The following CNBD1 variants were observed in gnomAD, a reference collection of about 807,000 sequenced individuals.
CNBD1 encodes cyclic nucleotide-binding domain-containing protein 1.
In CNBD1, 71 loss-of-function variants were observed where a neutral mutation model predicts 54.4. That is an observed-to-expected ratio of 1.30 (90% CI 1.08 to 1.59). CNBD1 has a LOEUF of 1.59. Ranked by LOEUF, CNBD1 falls within the 40% of genes most tolerant of loss-of-function variation. The pLI, the probability that CNBD1 is intolerant of heterozygous loss-of-function variation, is 0.00. For synonymous variants in CNBD1, 182 were observed against 170.7 expected (o/e 1.07, Z -0.51); for missense variants, 659 against 518.0 (o/e 1.27, Z -2.64).
At chr8:86,933,441 T>C (rs559146354) in intron 3 of CNBD1, among the ~76,000 whole-genome samples, 9 of 152,328 alleles carry the variant, frequency 5.9e-5, no homozygotes, top group Non-Finnish European at 1.2e-4. Context: ...TTAAATCTCA[T>C]GTACACAATG....
intron 8 of CNBD1, among the ~76,000 whole-genome samples, chr8:87,310,028 T>C (rs913809100): frequency 6.6e-6 from 1 of 152,080 alleles, no homozygotes; most frequent in Non-Finnish European, 1.5e-5. Flanking sequence ...CATTTCTATA[T>C]ACCAATAATG....
At chr8:87,388,900 A>G (rs574673632) in intron 2 of CNBD1, among the ~76,000 whole-genome samples, 1 of 152,124 alleles carries the variant, frequency 6.6e-6, no homozygotes, top group African/African-American at 2.4e-5. Context: ...AGCTTATCCA[A>G]CATGATCAAG....
At chr8:87,207,838 C>T (rs985057638) in intron 5 of CNBD1, among the ~76,000 whole-genome samples, 35 of 152,256 alleles carry the variant, frequency 2.3e-4, no homozygotes, top group African/African-American at 8.4e-4. Flanking sequence ...GTACTTTCAA[C>T]ACTTAAAAAT....
chr8:87,393,358 T>A (rs984163308), intron 2 of CNBD1, among the ~76,000 whole-genome samples: 1 of 151,894 alleles, frequency 6.6e-6, no homozygotes, highest in African/African-American at 2.4e-5. Context: ...GCCAATTAGA[T>A]AAGATGTGAC....
intron 2 of CNBD1, 79 bp from the exon 3 acceptor site, chr8:86,905,002 A>C (rs1202893167): frequency 1.4e-6 from 1 of 727,532 alleles, no homozygotes; most frequent in Non-Finnish European, 2.4e-6. Flanking sequence ...ATTGATACGT[A>C]TATATTGAGT....
chr8:87,122,280 G>A (rs1028566254), intron 4 of CNBD1, among the ~76,000 whole-genome samples: 3 of 151,566 alleles, frequency 2.0e-5, no homozygotes, highest in Admixed American at 6.6e-5. Flanking sequence ...ATAATATCTC[G>A]TTTTTAATTT....
chr8:87,093,437 C>G (rs994438270), intron 4 of CNBD1, among the ~76,000 whole-genome samples: 1 of 152,128 alleles, frequency 6.6e-6, no homozygotes, highest in Non-Finnish European at 1.5e-5. Context: ...AGGCAGTTTA[C>G]TGGCAGAATT....
intron 6 of CNBD1, among the ~76,000 whole-genome samples, chr8:87,284,475 C>T (rs1221317439): frequency 6.6e-6 from 1 of 152,038 alleles, no homozygotes; most frequent in African/African-American, 2.4e-5. Context: ...ATGTTATTTT[C>T]TTCATGTCGG....
rs572282701 is a variant in CNBD1, at chr8:87,382,760, G to A, written c.*133G>A. On this transcript the variant is annotated 3_prime_UTR_variant, in exon 11 of 11. Coordinates refer to ENST00000518476, the MANE Select transcript of CNBD1 (RefSeq NM_173538.3). ...GTGACTACATATCCTGGATTCCCCA[G>A]GAAAGTCCCACTTTCGAATTGCCTT... 9.3e-6 allele frequency: 5 copies of A among 538,604 alleles called. No individual in the cohort carries two copies. The highest frequency in any genetic ancestry group is 3.8e-5 in the African/African-American group (2 of 52,022). 33.4% of individuals were successfully genotyped at this position (538,604 alleles called of 1,614,324 possible).
intron 4 of CNBD1, among the ~76,000 whole-genome samples, chr8:87,111,781 C>A (rs184277569): frequency 6.6e-6 from 1 of 152,194 alleles, no homozygotes; most frequent in Non-Finnish European, 1.5e-5. Context: ...TGGGTTAGGA[C>A]ACCCCCCTCC....
In CNBD1 at chr8:87,230,118, C is replaced by G. The variant is rs149178127; in HGVS notation, c.578-6801C>G. ...TTTATATAGCTGAGAGCAGGAGGAA[C>G]AGAGAGAAGAGGGAGGTGCCACATA... is the stretch of plus-strand genomic sequence containing the variant. On this transcript the variant is annotated intron_variant, in intron 5 of 10. Coordinates refer to ENST00000518476, the MANE Select transcript of CNBD1 (RefSeq NM_173538.3). Among the ~76,000 whole-genome samples the G allele has an allele frequency of 3.4e-3, 523 of 152,218 alleles. 1 individual carries two copies. Among genetic ancestry groups the G allele is most frequent in the Middle Eastern group, 0.01 (3 of 292 alleles).
At chr8:87,391,223 C>G (rs1586074207) in intron 2 of CNBD1, among the ~76,000 whole-genome samples, 1 of 151,734 alleles carries the variant, frequency 6.6e-6, no homozygotes, top group African/African-American at 2.4e-5. Flanking sequence ...CACATGTACC[C>G]TAAAACTTAA....
chr8:87,172,254 T>C (rs1429398996), intron 4 of CNBD1, among the ~76,000 whole-genome samples: 1 of 152,086 alleles, frequency 6.6e-6, no homozygotes, highest in Admixed American at 6.6e-5. Context: ...TATTTCAGTT[T>C]TTCTGAATGT....
chr8:87,023,128 A>G (rs1809523694), intron 4 of CNBD1, among the ~76,000 whole-genome samples: 1 of 152,178 alleles, frequency 6.6e-6, no homozygotes, highest in Admixed American at 6.5e-5. Flanking sequence ...GTCTTTCCTC[A>G]TATGCTCCTT....
intron 2 of CNBD1, among the ~76,000 whole-genome samples, chr8:87,401,707 A>T (rs1240429026): frequency 1.3e-5 from 2 of 152,020 alleles, no homozygotes; most frequent in African/African-American, 2.4e-5. Context: ...AATTAGTTTT[A>T]TTTGGTAAGA....
intron 4 of CNBD1, among the ~76,000 whole-genome samples, chr8:87,137,283 G>A (rs781240832): frequency 7.4e-5 from 11 of 149,452 alleles, no homozygotes; most frequent in Admixed American, 5.4e-4. Flanking sequence ...TGCAAGCTCC[G>A]CCTCCTGGGT....
At chr8:87,369,858 T>C (rs1810729591) in intron 10 of CNBD1, among the ~76,000 whole-genome samples, 2 of 152,048 alleles carry the variant, frequency 1.3e-5, no homozygotes, top group Non-Finnish European at 2.9e-5. Flanking sequence ...GTATATCTCC[T>C]ATATGCTATC....
chr8:87,285,195 G>A (rs1375115655), intron 7 of CNBD1, among the ~76,000 whole-genome samples: 2 of 152,052 alleles, frequency 1.3e-5, no homozygotes, highest in African/African-American at 4.8e-5. Flanking sequence ...TGCTTTCCCA[G>A]TCTCTGTAGT....
At chr8:87,052,120 C>G (rs1363928322) in intron 4 of CNBD1, among the ~76,000 whole-genome samples, 4 of 152,172 alleles carry the variant, frequency 2.6e-5, no homozygotes, top group African/African-American at 9.7e-5. Flanking sequence ...AGTTTATAGG[C>G]CTGTAAAGCA....
Sources: gnomAD v4.1 joint callset for allele counts (sites outside exome capture counted in the v4.1 genomes callset) on GRCh38, gnomAD v4.1.1 for gene constraint, MANE v1.5 for transcripts, NCBI Gene and HGNC (gene_info 2026-07-23, HGNC 2026-07-21) for gene names.